Variants in RGL1 observed in about 807,000 individuals in gnomAD.
RGL1 encodes ral guanine nucleotide dissociation stimulator-like 1.
In RGL1, 24 loss-of-function variants were observed where a neutral mutation model predicts 95.2. The observed-to-expected ratio is 0.25, with a 90% CI of 0.18 to 0.35. The LOEUF (loss-of-function observed/expected upper bound fraction) is 0.35, where lower values mean the gene tolerates loss of function less well. Ranked by LOEUF, RGL1 falls within the 10% of genes least tolerant of loss-of-function variation. The pLI is 1.00. For synonymous variants in RGL1, 329 were observed against 344.9 expected (o/e 0.95, Z 0.51); for missense variants, 715 against 936.3 (o/e 0.76, Z 3.08).
At chr1:183,737,957 A>G (rs1370244024) in intron 1 of RGL1, among the ~76,000 whole-genome samples, 1 of 152,184 alleles carries the variant, frequency 6.6e-6, no homozygotes, top group Non-Finnish European at 1.5e-5. Flanking sequence ...TTGATTTCCA[A>G]AGGAGTCCGT....
chr1:183,894,974 G>A (rs1293221454), intron 9 of RGL1, among the ~76,000 whole-genome samples: 1 of 152,194 alleles, frequency 6.6e-6, no homozygotes, highest in Non-Finnish European at 1.5e-5. Flanking sequence ...GTGAATTATA[G>A]TCTGGAAATT....
intron 2 of RGL1, among the ~76,000 whole-genome samples, chr1:183,768,324 C>T (rs1312536962): frequency 6.6e-6 from 1 of 152,036 alleles, no homozygotes; most frequent in South Asian, 2.1e-4. Flanking sequence ...TACTTTATAA[C>T]CTTTTTTAAA....
chr1:183,647,807 C>T (rs576075334), intron 1 of RGL1: 5 of 1,614,030 alleles, frequency 3.1e-6, no homozygotes, highest in African/African-American at 1.3e-5. Flanking sequence ...CCTGGAATGA[C>T]ATTTGAGGCA....
chr1:183,779,694 C>T (rs1659797322), intron 2 of RGL1, among the ~76,000 whole-genome samples: 1 of 152,028 alleles, frequency 6.6e-6, no homozygotes, highest in Admixed American at 6.5e-5. Context: ...GTGAGATAGC[C>T]CCAAAGTTTG....
intron 2 of RGL1, among the ~76,000 whole-genome samples, chr1:183,765,543 C>T (rs1037377679): frequency 6.6e-6 from 1 of 152,204 alleles, no homozygotes. Context: ...TTTCAATCCT[C>T]CTGTAGTTCA....
rs1281304205 is a variant in RGL1 at position 183,849,482 on chromosome 1, AGTTTTTTTTTT to A, written c.347+1709_347+1719del. Among the ~76,000 whole-genome samples the A allele has an allele frequency of 8.1e-5, 8 of 99,360 alleles. No individual in the cohort carries two copies. In the Admixed American group the frequency reaches 9.5e-4, roughly 12 times the overall value. The allele number at this position is 99,360 out of a possible 152,430, so 65.2% of individuals were successfully genotyped here. ...GACATTTAAGTTTTCTCCAGTTTTT[AGTTTTTTTTTT>A]TTTTTTTTTTTTTGTTGAGATGGCA... On this transcript the variant is annotated intron_variant, in intron 3 of 17. Transcript: ENST00000360851.
chr1:183,653,940 G>A (rs1434805379), intron 1 of RGL1, among the ~76,000 whole-genome samples: 1 of 152,128 alleles, frequency 6.6e-6, no homozygotes, highest in Non-Finnish European at 1.5e-5. Context: ...ACAATTCACT[G>A]TCAATCACTC....
At chr1:183,831,612 A>G (rs1286366456) in intron 2 of RGL1, among the ~76,000 whole-genome samples, 1 of 152,204 alleles carries the variant, frequency 6.6e-6, no homozygotes, top group Non-Finnish European at 1.5e-5. Flanking sequence ...CTTTTATTGT[A>G]TATGTACAGA....
At chr1:183,645,259 A>G (rs1436538541) in intron 1 of RGL1, among the ~76,000 whole-genome samples, 1 of 152,178 alleles carries the variant, frequency 6.6e-6, no homozygotes, top group Non-Finnish European at 1.5e-5. Flanking sequence ...TTGTCTTTAC[A>G]TGTCAATCTC....
At chr1:183,663,184 A>G (rs1651771186) in intron 1 of RGL1, among the ~76,000 whole-genome samples, 1 of 151,984 alleles carries the variant, frequency 6.6e-6, no homozygotes, top group East Asian at 1.9e-4. Flanking sequence ...ACCAAAAGCA[A>G]TGGCAACAAA....
chr1:183,784,431 A>G (rs927982527), intron 2 of RGL1, among the ~76,000 whole-genome samples: 1 of 152,220 alleles, frequency 6.6e-6, no homozygotes, highest in African/African-American at 2.4e-5. Flanking sequence ...GGGAGGAAAC[A>G]GCAGAATGGA....
intron 4 of RGL1, among the ~76,000 whole-genome samples, chr1:183,868,695 G>A (rs1480441967): frequency 6.6e-6 from 1 of 152,196 alleles, no homozygotes; most frequent in Admixed American, 6.5e-5. Flanking sequence ...AGAATTGAGT[G>A]TAATCTAGAC....
intron 1 of RGL1, among the ~76,000 whole-genome samples, chr1:183,734,841 T>C (rs1055191053): frequency 6.6e-6 from 1 of 152,240 alleles, no homozygotes; most frequent in Admixed American, 6.5e-5. Context: ...GGATATTTTT[T>C]TGTGATCTCA....
At chr1:183,841,010 T>G (rs1057074032) in intron 2 of RGL1, among the ~76,000 whole-genome samples, 2 of 152,172 alleles carry the variant, frequency 1.3e-5, no homozygotes, top group African/African-American at 4.8e-5. Context: ...TGCCTCTCTC[T>G]CCACCATTTT....
At chr1:183,895,056 G>A (rs753396820) in intron 9 of RGL1, among the ~76,000 whole-genome samples, 5 of 151,972 alleles carry the variant, frequency 3.3e-5, no homozygotes, top group African/African-American at 9.7e-5. Flanking sequence ...GAATTTTTTC[G>A]GTTGACTTTA....
intron 2 of RGL1, among the ~76,000 whole-genome samples, chr1:183,823,964 T>A (rs984138985): frequency 3.3e-5 from 5 of 151,752 alleles, no homozygotes; most frequent in Non-Finnish European, 7.4e-5. Context: ...TTCTTTTAAT[T>A]TTTTTTTAGA....
At chr1:183,648,132 C>T (rs764238942) in intron 1 of RGL1, 1 of 1,614,152 alleles carries the variant, frequency 6.2e-7, no homozygotes, top group Non-Finnish European at 8.5e-7. Context: ...CAGTGCTCTC[C>T]CAGTTAAAAT....
intron 2 of RGL1, among the ~76,000 whole-genome samples, chr1:183,826,350 T>A (rs10911445): frequency 0.15 from 22,368 of 152,256 alleles, 1,957 homozygotes; most frequent in Middle Eastern, 0.3. Flanking sequence ...CAGCTTTACT[T>A]CCTCCTTAAC....
At chr1:183,796,164 AT>A (rs566005120) in intron 2 of RGL1, among the ~76,000 whole-genome samples, 1,430 of 128,072 alleles carry the variant, frequency 0.011, 7 homozygotes, top group South Asian at 0.039. Flanking sequence ...TTGTATTCCT[AT>A]TTTTTTTTTT....
Sources: gnomAD v4.1 joint callset for allele counts (sites outside exome capture counted in the v4.1 genomes callset) on GRCh38, gnomAD v4.1.1 for gene constraint, MANE v1.5 for transcripts, NCBI Gene and HGNC (gene_info 2026-07-23, HGNC 2026-07-21) for gene names.